WDR89: variants seen among roughly 807,000 people sequenced by gnomAD.
The protein encoded by WDR89 is WD repeat domain 89, also known as WD repeat-containing protein 89.
A neutral mutation model predicts 29.1 loss-of-function variants in WDR89; 17 were observed. The observed-to-expected ratio is 0.58, with a 90% CI of 0.40 to 0.88. The LOEUF (loss-of-function observed/expected upper bound fraction) is 0.88, where lower values mean the gene tolerates loss of function less well. WDR89 is among the 40% of genes least tolerant of loss of function. WDR89 has a pLI of 0.00. For synonymous variants in WDR89, 138 were observed against 157.8 expected, an observed-to-expected ratio of 0.87 and a Z score of 0.94; for missense variants, 396 against 456.3, an observed-to-expected ratio of 0.87 and a Z score of 1.20.
intron 2 of WDR89, among the ~76,000 whole-genome samples, chr14:63,622,745 C>G (rs1882782757): frequency 6.6e-6 from 1 of 151,988 alleles, no homozygotes; most frequent in Non-Finnish European, 1.5e-5. Flanking sequence ...CCACCCTGGG[C>G]AACAGATCAA....
intron 2 of WDR89, among the ~76,000 whole-genome samples, chr14:63,611,380 A>G (rs1881981456): frequency 6.6e-6 from 1 of 151,410 alleles, no homozygotes; most frequent in Non-Finnish European, 1.5e-5. Flanking sequence ...CATGAAAAAG[A>G]AAGAAAGACC....
chr14:63,601,256 G>A (rs571892777), intron 2 of WDR89, among the ~76,000 whole-genome samples: 13 of 151,996 alleles, frequency 8.6e-5, no homozygotes, highest in Non-Finnish European at 1.5e-5. Flanking sequence ...GAATACAACA[G>A]AGGTTCCCAG....
intron 2 of WDR89, among the ~76,000 whole-genome samples, chr14:63,621,575 G>GAGCAC (rs1882697708): frequency 6.6e-6 from 1 of 151,996 alleles, no homozygotes; most frequent in Non-Finnish European, 1.5e-5. Context: ...TGCAGCCTGA[G>GAGCAC]TGGCAGAGCA....
chr14:63,617,464 G>A (rs978274643), intron 2 of WDR89, among the ~76,000 whole-genome samples: 7 of 151,942 alleles, frequency 4.6e-5, no homozygotes, highest in African/African-American at 1.7e-4. Context: ...CTGATAAACT[G>A]TGGTATGTTA....
chr14:63,606,837 G>A (rs1411003761), intron 2 of WDR89, among the ~76,000 whole-genome samples: 3 of 152,224 alleles, frequency 2.0e-5, no homozygotes, highest in African/African-American at 7.2e-5. Context: ...GAAGCTCAGA[G>A]AGACTAATTT....
At chr14:63,633,006 A>C (rs773745684) in intron 1 of WDR89, among the ~76,000 whole-genome samples, 3 of 152,116 alleles carry the variant, frequency 2.0e-5, no homozygotes, top group Non-Finnish European at 4.4e-5. Flanking sequence ...TTTACTAACT[A>C]TATGTTTCAG....
intron 2 of WDR89, among the ~76,000 whole-genome samples, chr14:63,622,024 G>A (rs773535648): frequency 2.6e-5 from 4 of 152,172 alleles, no homozygotes; most frequent in African/African-American, 9.6e-5. Context: ...CACTGGGAAT[G>A]GTAAACATGA....
At chr14:63,640,392 A>C (rs976061727) in intron 1 of WDR89, among the ~76,000 whole-genome samples, 3 of 152,206 alleles carry the variant, frequency 2.0e-5, no homozygotes, top group Non-Finnish European at 2.9e-5. Flanking sequence ...TGTCCAGTCA[A>C]AGGTCAGTAA....
chr14:63,625,859 CTT>C (rs60153501), intron 1 of WDR89, among the ~76,000 whole-genome samples: 31 of 142,762 alleles, frequency 2.2e-4, no homozygotes, highest in African/African-American at 3.3e-4. Flanking sequence ...TAGAAGAGGA[CTT>C]TTTTTTTTTT....
chr14:63,624,106 A>G (rs575563638), intron 2 of WDR89, among the ~76,000 whole-genome samples: 1 of 152,272 alleles, frequency 6.6e-6, no homozygotes, highest in African/African-American at 2.4e-5. Flanking sequence ...AAACACAAAA[A>G]GTACAAACCA....
intron 1 of WDR89, among the ~76,000 whole-genome samples, chr14:63,633,815 C>A (rs1566801582): frequency 6.6e-6 from 1 of 152,004 alleles, no homozygotes; most frequent in South Asian, 2.1e-4. Context: ...CAGAAAAAAA[C>A]GGATATTAAG....
intron 2 of WDR89, among the ~76,000 whole-genome samples, chr14:63,609,149 A>G (rs1401509369): frequency 6.6e-6 from 1 of 152,080 alleles, no homozygotes; most frequent in East Asian, 1.9e-4. Context: ...GAAGACTGGT[A>G]CTAGGACAGA....
intron 2 of WDR89, among the ~76,000 whole-genome samples, chr14:63,617,412 C>T (rs1882389291): frequency 6.6e-6 from 1 of 151,686 alleles, no homozygotes; most frequent in African/African-American, 2.4e-5. Flanking sequence ...AGATGATTAA[C>T]TGGACAATTT....
chr14:63,599,811 A>G lies in WDR89; in HGVS notation c.132T>C (p.Ala44=), dbSNP rs748568353. 17 of 1,614,160 alleles carry G rather than the reference A, an allele frequency of 1.1e-5. No individual in the cohort carries two copies. Among genetic ancestry groups the G allele is most frequent in the Middle Eastern group, 1.6e-4 (1 of 6,062 alleles). Residue 44 remains alanine, a synonymous_variant, in exon 3 of 3, where the codon GCT becomes GCC. Coordinates refer to ENST00000620954, the MANE Select transcript of WDR89 (RefSeq NM_080666.4). ...TGATTGATCCATTAGAACATAAAAC[A>G]GCAACCAAGTTTTCCTTTCCTGCTT... ...TVQAGKENLV[A]VLCSNGSIRI...
intron 2 of WDR89, among the ~76,000 whole-genome samples, chr14:63,603,922 C>G (rs892545286): frequency 6.6e-6 from 1 of 152,218 alleles, no homozygotes; most frequent in African/African-American, 2.4e-5. Context: ...TTACCTTGAA[C>G]ACGTCAGGCT....
chr14:63,637,557 T>G (rs567655661), intron 1 of WDR89, among the ~76,000 whole-genome samples: 30 of 152,194 alleles, frequency 2.0e-4, no homozygotes, highest in Admixed American at 1.4e-3. Context: ...GTGGTGGGTG[T>G]GTGTGTGTGT....
intron 2 of WDR89, chr14:63,601,461 TAA>T (rs1895058107): frequency 8.8e-7 from 1 of 1,131,384 alleles, no homozygotes. Flanking sequence ...AACACTATAA[TAA>T]ATTCTTGACA....
chr14:63,610,442 G>A (rs1225875784), intron 2 of WDR89, among the ~76,000 whole-genome samples: 3 of 151,888 alleles, frequency 2.0e-5, no homozygotes, highest in Admixed American at 6.6e-5. Flanking sequence ...TTAGTTACCC[G>A]CATCCAAAGA....
chr14:63,634,823 T>C (rs1326335979), intron 1 of WDR89, among the ~76,000 whole-genome samples: 1 of 143,878 alleles, frequency 7.0e-6, no homozygotes, highest in African/African-American at 2.6e-5. Flanking sequence ...TGAGCCAAGA[T>C]CGCACCATTG....
Sources: allele counts gnomAD v4.1 joint callset (sites outside exome capture counted in the v4.1 genomes callset), GRCh38; gene constraint gnomAD v4.1.1; transcripts MANE v1.5; gene names NCBI Gene and HGNC (gene_info 2026-07-23, HGNC 2026-07-21).